Variants in ZNF765 observed in about 807,000 individuals in gnomAD.
ZNF765 encodes the protein zinc finger protein 765.
ZNF765 carries 37 observed loss-of-function variants against 44.7 expected under a neutral mutation model. That is an observed-to-expected ratio of 0.83 (90% CI 0.64 to 1.09). The LOEUF (loss-of-function observed/expected upper bound fraction) is 1.09. Ranked by LOEUF, ZNF765 falls within the 50% of genes least tolerant of loss-of-function variation. The probability of loss-of-function intolerance (pLI) is 0.00; values close to 1 mark genes in which losing one functional copy is unlikely to be tolerated. For synonymous variants in ZNF765, 201 were observed against 213.7 expected (o/e 0.94, Z 0.52); for missense variants, 594 against 626.1 (o/e 0.95, Z 0.55).
chr19:53,409,175 G>A lies in ZNF765; in HGVS notation c.*48G>A, dbSNP rs767021920. The A allele has an allele frequency of 2.4e-5, 35 of 1,487,528 alleles. No homozygotes were observed. Among genetic ancestry groups the A allele is most frequent in the South Asian group, 1.8e-4 (16 of 88,130 alleles). The allele number at this position is 1,487,528 out of a possible 1,614,324, so 92.1% of individuals were successfully genotyped here. A position where few individuals can be genotyped will look rare whatever the true frequency, so the allele number is the denominator to read the frequency against. The stretch of plus-strand genomic sequence containing the variant: ...CAGGAGTTAACCCTTACATGCCATC[G>A]TAGGCTTCATAGTGGAGAGAAACCT... On this transcript the variant is annotated 3_prime_UTR_variant, in exon 4 of 4. Coordinates refer to ENST00000396408, the MANE Select transcript of ZNF765 (RefSeq NM_001040185.3).
Position 53,410,287 on chromosome 19 carries a change from C to T in ZNF765, c.*1160C>T, listed in dbSNP as rs868745236. The T allele has an allele frequency of 1.5e-4, 55 of 357,696 alleles. No homozygotes were observed. The highest frequency in any genetic ancestry group is 1.2e-3 in the Middle Eastern group (3 of 2,568). 22.2% of individuals were successfully genotyped at this position (357,696 alleles called of 1,614,324 possible). On this transcript the variant is annotated 3_prime_UTR_variant, in exon 4 of 4. Transcript: ENST00000396408. ...TGAAGCATGTGACAAAGTTTACAGTCGCAAATCAAGCCTCCAAAGACAGGA... is the reference window on the plus strand; with the variant it reads ...TGAAGCATGTGACAAAGTTTACAGTTGCAAATCAAGCCTCCAAAGACAGGA...
At position 53,410,072 on chromosome 19, in the gene ZNF765, AGTC is replaced by A. The variant is rs1428895798; in HGVS notation, c.*948_*950del. On this transcript the variant is annotated 3_prime_UTR_variant, in exon 4 of 4. Coordinates refer to ENST00000396408, the MANE Select transcript of ZNF765 (RefSeq NM_001040185.3). The stretch of plus-strand genomic sequence containing the variant: ...TCATACCTTTGCAGTTCATGGGTGA[AGTC>A]GTATTAGAAACCTTACAAATGTGAA... The A allele has an allele frequency of 1.5e-5, 7 of 453,984 alleles. No individual in the cohort carries two copies. Among genetic ancestry groups the A allele is most frequent in the Non-Finnish European group, 2.7e-5 (6 of 223,650 alleles). 28.1% of individuals were successfully genotyped at this position (453,984 alleles called of 1,614,324 possible). A position where few individuals can be genotyped will look rare whatever the true frequency, so the allele number is the denominator to read the frequency against.
At chr19:53,400,467 T>G (rs1294974292) in intron 2 of ZNF765, among the ~76,000 whole-genome samples, 3 of 152,074 alleles carry the variant, frequency 2.0e-5, no homozygotes, top group Admixed American at 6.6e-5. Context: ...TCCTGTTTTC[T>G]TAGATCTGAC....
In ZNF765 at chr19:53,409,104, A is replaced by G. The variant is rs754944005; in HGVS notation, c.1549A>G (p.Thr517Ala). Reference sequence around the variant, plus strand: ...CCTTGAAAGACATAGGAGAATTTATACTGGAGAGAAACTACACGTGTAATG... The same window carrying G: ...CCTTGAAAGACATAGGAGAATTTATGCTGGAGAGAAACTACACGTGTAATG... Reference protein sequence around the residue: ...SNLERHRRIYTGEKLHV With the variant: ...SNLERHRRIYAGEKLHV Residue 517 changes from threonine (T) to alanine (A), a missense_variant, in exon 4 of 4, where the codon ACT (threonine) becomes GCT (alanine). This residue lies in a region of ZNF765 where 567 missense variants were observed against 572.6 expected (regional missense o/e 0.99). Coordinates refer to ENST00000396408, the MANE Select transcript of ZNF765 (RefSeq NM_001040185.3). 1 of 1,613,440 alleles carries G rather than the reference A, an allele frequency of 6.2e-7. No individual in the cohort carries two copies. Among genetic ancestry groups the G allele is most frequent in the Admixed American group, 1.7e-5 (1 of 59,954 alleles).
intron 3 of ZNF765, among the ~76,000 whole-genome samples, chr19:53,420,100 G>A (rs919984726): frequency 3.3e-5 from 5 of 152,018 alleles, no homozygotes; most frequent in Non-Finnish European, 7.4e-5. Context: ...TTGGGAGACC[G>A]AGGCGGGCAG....
At chr19:53,414,434 ACC>A (rs1491154338), downstream of ZNF765, among the ~76,000 whole-genome samples, 3,224 of 51,808 alleles carry the variant, frequency 0.062, 373 homozygotes, top group African/African-American at 0.17. Flanking sequence ...GACCCTCCCC[ACC>A]ACACACACAC....
At chr19:53,397,332 T>C (rs2085681515) in intron 1 of ZNF765, among the ~76,000 whole-genome samples, 1 of 152,234 alleles carries the variant, frequency 6.6e-6, no homozygotes, top group African/African-American at 2.4e-5. Context: ...GCTGTTTCAT[T>C]AGTGATGATT....
chr19:53,403,620 A>C (rs925522599), intron 3 of ZNF765, among the ~76,000 whole-genome samples: 4 of 152,164 alleles, frequency 2.6e-5, no homozygotes, highest in African/African-American at 9.6e-5. Context: ...GAGGCAGGCA[A>C]ATCACCTGAG....
chr19:53,409,146 C>G lies in ZNF765; in HGVS notation c.*19C>G, dbSNP rs747277647. 1 of 1,590,064 alleles carries G rather than the reference C, an allele frequency of 6.3e-7. No homozygotes were observed. The highest frequency in any genetic ancestry group is 1.1e-5 in the South Asian group (1 of 90,456). On this transcript the variant is annotated 3_prime_UTR_variant, in exon 4 of 4. Coordinates refer to ENST00000396408, the MANE Select transcript of ZNF765 (RefSeq NM_001040185.3). ...CGTGTAATGAGTGTGGTAAGACCTT[C>G]AATCAGGAGTTAACCCTTACATGCC... is the stretch of plus-strand genomic sequence containing the variant.
At chr19:53,402,713 C>T (rs2046325396) in intron 3 of ZNF765, among the ~76,000 whole-genome samples, 1 of 152,094 alleles carries the variant, frequency 6.6e-6, no homozygotes, top group African/African-American at 2.4e-5. Context: ...GTGCATGCCA[C>T]CATGTCGGGC....
chr19:53,403,633 C>T (rs2085748825), intron 3 of ZNF765, among the ~76,000 whole-genome samples: 1 of 152,184 alleles, frequency 6.6e-6, no homozygotes, highest in African/African-American at 2.4e-5. Flanking sequence ...CACCTGAGGT[C>T]AGGAGTTCAA....
chr19:53,420,227 G>A (rs1024196149), intron 3 of ZNF765, among the ~76,000 whole-genome samples: 1 of 151,950 alleles, frequency 6.6e-6, no homozygotes, highest in Non-Finnish European at 1.5e-5. Context: ...AGCTACTCAG[G>A]AGGCTGAGGC....
chr19:53,408,423 C>G lies in ZNF765; in HGVS notation c.868C>G (p.Arg290Gly). 6.2e-7 allele frequency: 1 copy of G among 1,613,920 alleles called. No homozygotes were observed. The highest frequency in any genetic ancestry group is 8.5e-7 in the Non-Finnish European group (1 of 1,179,968). ...TCAGACATATTACCTAACATGCCAT[C>G]GTAGACTTCATACTGGAGAGAAACC... ...FSQTYYLTCH[R>G]RLHTGEKPYK... The change falls in exon 4 of 4, where the codon CGT becomes GGT. Residue 290 changes from arginine (R) to glycine (G), a missense_variant. By Grantham distance (125) the Arg-to-Gly change is moderately radical. Coordinates refer to ENST00000396408, the MANE Select transcript of ZNF765 (RefSeq NM_001040185.3).
At chr19:53,413,930 C>CA (rs386389261), downstream of ZNF765, among the ~76,000 whole-genome samples, 238 of 79,798 alleles carry the variant, frequency 3.0e-3, 4 homozygotes, top group African/African-American at 6.8e-3. Flanking sequence ...GCTAGAAAGA[C>CA]AAAAAAAAAA....
In ZNF765 at chr19:53,398,044, C is replaced by T. The variant is rs186949437; in HGVS notation, c.15+14C>T. 74 of 1,613,268 alleles carry T rather than the reference C, an allele frequency of 4.6e-5. No individual in the cohort carries two copies. The Middle Eastern group carries it at 4.9e-4, about 11-fold the overall frequency. The stretch of plus-strand genomic sequence containing the variant: ...GCTCTTCCTCAGGTGAGATGATATT[C>T]TTGGTGGATTGTTCTGTCTCCTTCT... On this transcript the variant is annotated intron_variant, in intron 2 of 3. Coordinates refer to ENST00000396408, the MANE Select transcript of ZNF765 (RefSeq NM_001040185.3).
chr19:53,413,898 C>G (rs2085852098), downstream of ZNF765, among the ~76,000 whole-genome samples: 1 of 111,502 alleles, frequency 9.0e-6, no homozygotes, highest in Non-Finnish European at 1.7e-5. Context: ...ACCTGCCTTC[C>G]ATTTTATTCT....
chr19:53,416,123 T>G (rs1483406580), downstream of ZNF765, among the ~76,000 whole-genome samples: 1 of 152,172 alleles, frequency 6.6e-6, no homozygotes, highest in African/African-American at 2.4e-5. Context: ...CTGGCTAATT[T>G]TTATATTTTT....
chr19:53,402,312 T>A (rs577691792), intron 3 of ZNF765, 121 bp downstream of exon 3: 81 of 1,473,608 alleles, frequency 5.5e-5, no homozygotes, highest in Admixed American at 1.6e-4. Context: ...GCTGGAGTGC[T>A]GTGGCATGAT....
Position 53,402,157 on chromosome 19 carries a change from G to T in ZNF765, c.108G>T (p.Val36=). The T allele has an allele frequency of 6.2e-7, 1 of 1,613,750 alleles. No individual in the cohort carries two copies. Among genetic ancestry groups the T allele is most frequent in the South Asian group, 1.1e-5 (1 of 91,052 alleles). The change falls in exon 3 of 4, where the codon GTG becomes GTT. Residue 36 remains valine (V), a synonymous_variant. Coordinates refer to ENST00000396408, the MANE Select transcript of ZNF765 (RefSeq NM_001040185.3). Reference sequence around the variant, plus strand: ...CTCAGAGGACTCTATACAGGGACGTGATGCTGGAGAATTATAGGAACCTGG... The same window carrying T: ...CTCAGAGGACTCTATACAGGGACGTTATGCTGGAGAATTATAGGAACCTGG... ...DPAQRTLYRD[V]MLENYRNLVS... is the part of the protein sequence containing the mutation.
Sources: gnomAD v4.1 joint callset for allele counts (sites outside exome capture counted in the v4.1 genomes callset) on GRCh38, gnomAD v4.1.1 for gene constraint, gnomAD v4.1.1 regional missense constraint, MANE v1.5 for transcripts, NCBI Gene and HGNC (gene_info 2026-07-23, HGNC 2026-07-21) for gene names.